The following SRFBP1 variants were observed in gnomAD, a reference collection of about 807,000 sequenced individuals.
SRFBP1 encodes serum response factor binding protein 1, also known as serum response factor-binding protein 1.
A neutral mutation model predicts 45.5 loss-of-function variants in SRFBP1; 47 were observed. The ratio of observed to expected loss-of-function variants is 1.03; its 90% CI spans 0.82 to 1.32. SRFBP1 has a LOEUF of 1.32. Among genes scored for constraint, SRFBP1 ranks in the 40% most tolerant of loss-of-function variants. SRFBP1 has a pLI of 0.00. For missense variants in SRFBP1, 621 were observed against 484.6 expected (o/e 1.28, Z -2.64); for synonymous variants, 203 against 166.3 (o/e 1.22, Z -1.70).
At chr5:122,010,929 A>G (rs1753079887) in intron 4 of SRFBP1, among the ~76,000 whole-genome samples, 1 of 152,142 alleles carries the variant, frequency 6.6e-6, no homozygotes, top group Non-Finnish European at 1.5e-5. Context: ...ATTTGATAAT[A>G]TAATTGAGAC....
intron 4 of SRFBP1, among the ~76,000 whole-genome samples, chr5:122,006,821 A>G (rs1752985403): frequency 6.6e-6 from 1 of 151,832 alleles, no homozygotes; most frequent in African/African-American, 2.4e-5. Context: ...TTTGTTTCTG[A>G]ATGTATTTTG....
chr5:121,998,465 T>C (rs1323308828), intron 4 of SRFBP1, among the ~76,000 whole-genome samples: 1 of 131,882 alleles, frequency 7.6e-6, no homozygotes, highest in African/African-American at 2.9e-5. Context: ...AATTGAACAA[T>C]GAGATCACAT....
chr5:122,006,855 T>C lies in SRFBP1; in HGVS notation c.270+12185T>C, dbSNP rs75268149. On this transcript the variant is annotated intron_variant, in intron 4 of 7. Transcript: ENST00000339397. ...TGAAATTCCTTAAGCTTTCTGAAAA[T>C]AATTATTTGAATATTTGAATTCTTT... Among the ~76,000 whole-genome samples the C allele has an allele frequency of 4.1e-3, 622 of 152,224 alleles. 16 individuals carry two copies. In the East Asian group the frequency reaches 0.052, roughly 13 times the overall value.
chr5:122,049,346 C>T (rs896393534), intron 2 of SRFBP1, among the ~76,000 whole-genome samples: 2 of 152,042 alleles, frequency 1.3e-5, no homozygotes, highest in African/African-American at 4.8e-5. Flanking sequence ...TATGTATGCA[C>T]CCAATACAGG....
At chr5:122,034,860 G>A (rs2112724105) in intron 2 of SRFBP1, among the ~76,000 whole-genome samples, 1 of 151,938 alleles carries the variant, frequency 6.6e-6, no homozygotes, top group South Asian at 2.1e-4. Context: ...AAGAACCATG[G>A]CTAAATCTTG....
rs114938501 is a variant in SRFBP1 at position 121,990,240 on chromosome 5, A to C, written c.199-4359A>C. Reference sequence around the variant, plus strand: ...ATATACTATGGAATACTGTGCAGCCATAAAAAAAGAATGAAATCGTGTCAT... The same window carrying C: ...ATATACTATGGAATACTGTGCAGCCCTAAAAAAAGAATGAAATCGTGTCAT... On this transcript the variant is annotated intron_variant, in intron 3 of 7. Coordinates refer to ENST00000339397, the MANE Select transcript of SRFBP1 (RefSeq NM_152546.3). Among the ~76,000 whole-genome samples the C allele has an allele frequency of 6.6e-3, 1,001 of 152,348 alleles. 18 individuals carry two copies. The highest frequency in any genetic ancestry group is 0.023 in the African/African-American group (959 of 41,586).
intron 4 of SRFBP1, among the ~76,000 whole-genome samples, chr5:121,998,572 G>A (rs755924406): frequency 1.6e-4 from 23 of 147,338 alleles, no homozygotes; most frequent in South Asian, 6.7e-4. Flanking sequence ...GCTAGATGAC[G>A]AGTTAGTGGG....
At chr5:122,075,624 A>G, downstream of SRFBP1, 1 of 880,828 alleles carries the variant, frequency 1.1e-6, no homozygotes, top group Non-Finnish European at 1.7e-6. Context: ...TCCATTATAT[A>G]GTAGTGACAA....
intron 3 of SRFBP1, among the ~76,000 whole-genome samples, chr5:121,989,059 G>T (rs1228193328): frequency 1.9e-5 from 2 of 104,492 alleles, no homozygotes; most frequent in African/African-American, 8.1e-5. Flanking sequence ...ATTGGAATTT[G>T]TTTGTTTGTT....
At chr5:121,989,011 A>G (rs1343732842) in intron 3 of SRFBP1, among the ~76,000 whole-genome samples, 2 of 152,170 alleles carry the variant, frequency 1.3e-5, no homozygotes, top group Admixed American at 6.5e-5. Flanking sequence ...AGAAAAATCT[A>G]AATTCAAGAG....
chr5:122,004,298 G>A (rs1035644591), intron 4 of SRFBP1, among the ~76,000 whole-genome samples: 1 of 152,104 alleles, frequency 6.6e-6, no homozygotes, highest in African/African-American at 2.4e-5. Context: ...TTTGAGTTGA[G>A]GTTTGTGTAT....
chr5:121,982,924 A>G (rs1752440401), intron 3 of SRFBP1, among the ~76,000 whole-genome samples: 1 of 151,858 alleles, frequency 6.6e-6, no homozygotes, highest in African/African-American at 2.4e-5. Flanking sequence ...AACATTTCCT[A>G]ATAACTGTGA....
intron 1 of SRFBP1, among the ~76,000 whole-genome samples, chr5:121,966,221 A>G (rs897266176): frequency 2.0e-5 from 3 of 152,178 alleles, no homozygotes; most frequent in African/African-American, 7.2e-5. Flanking sequence ...TTCCAATACT[A>G]AGTATGTTGT....
chr5:122,060,432 C>A (rs920443843), intron 2 of SRFBP1, among the ~76,000 whole-genome samples: 7 of 151,986 alleles, frequency 4.6e-5, no homozygotes, highest in African/African-American at 1.7e-4. Flanking sequence ...CACACATAAG[C>A]CAAAATGCAG....
At chr5:121,992,378 G>A (rs773570903) in intron 3 of SRFBP1, among the ~76,000 whole-genome samples, 4 of 151,230 alleles carry the variant, frequency 2.6e-5, no homozygotes, top group Non-Finnish European at 5.9e-5. Context: ...CCACACTTTC[G>A]TTTTTTTGTT....
intron 2 of SRFBP1, chr5:122,070,615 A>C: frequency 1.6e-6 from 2 of 1,270,992 alleles, no homozygotes; most frequent in Non-Finnish European, 2.3e-6. Flanking sequence ...TAAAAAATTT[A>C]AAATTATGGT....
chr5:122,077,655 C>T (rs1275744013), downstream of SRFBP1: 1 of 1,607,822 alleles, frequency 6.2e-7, no homozygotes, highest in African/African-American at 1.3e-5. This position sits in a 1 kb window ranked among gnomAD's most constrained non-coding sequence, Gnocchi z 4.9. Flanking sequence ...GCGGTGACTC[C>T]AGATGAGCCG....
intron 2 of SRFBP1, among the ~76,000 whole-genome samples, chr5:122,060,455 G>A (rs771155808): frequency 6.6e-6 from 1 of 151,958 alleles, no homozygotes; most frequent in Non-Finnish European, 1.5e-5. Flanking sequence ...ATGTGGTTTG[G>A]ATTGAAGCAT....
intron 2 of SRFBP1, among the ~76,000 whole-genome samples, chr5:122,037,257 G>A (rs1391881188): frequency 4.6e-5 from 7 of 152,140 alleles, no homozygotes; most frequent in African/African-American, 1.2e-4. Flanking sequence ...CCAACCCAAT[G>A]GGGAAACTGA....
Sources: allele counts gnomAD v4.1 joint callset (sites outside exome capture counted in the v4.1 genomes callset), GRCh38; gene constraint gnomAD v4.1.1; non-coding constraint Gnocchi (gnomAD v3.1); transcripts MANE v1.5; gene names NCBI Gene and HGNC (gene_info 2026-07-23, HGNC 2026-07-21).